The following ALG9 variants were observed in gnomAD, a reference collection of about 807,000 sequenced individuals.
ALG9 encodes the protein alpha-1,2-mannosyltransferase ALG9.
In ALG9, 55 loss-of-function variants were observed where a neutral mutation model predicts 81.8. The observed-to-expected ratio is 0.67, with a 90% confidence interval of 0.54 to 0.84. The LOEUF (loss-of-function observed/expected upper bound fraction) is 0.84. ALG9 is among the 40% of genes least tolerant of loss of function. ALG9 has a pLI of 0.00. For synonymous variants in ALG9, 278 were observed against 274.3 expected (o/e 1.01, Z -0.13); for missense variants, 629 against 745.0 (o/e 0.84, Z 1.81).
Position 111,867,280 on chromosome 11 carries a change from A to G in ALG9, c.405+1322T>C, listed in dbSNP as rs926761480. Among the ~76,000 whole-genome samples, 6 of 152,170 alleles carry G rather than the reference A, an allele frequency of 3.9e-5. No individual in the cohort carries two copies. The East Asian group carries it at 9.6e-4, about 24-fold the overall frequency. ...GGCTTTACATAACAGACTTGGGGGG[A>G]AAAGAACAACAGTCTAATACCTTAA... On this transcript the variant is annotated intron_variant, in intron 3 of 14. Transcript: ENST00000616540.
intron 9 of ALG9, among the ~76,000 whole-genome samples, chr11:111,843,308 A>G (rs1555125689): frequency 6.6e-6 from 1 of 152,218 alleles, no homozygotes; most frequent in South Asian, 2.1e-4. Context: ...TAAGAAATAT[A>G]ACACTAAATT....
At position 111,840,729 on chromosome 11, in the gene ALG9, T is replaced by A; in HGVS notation, c.1099A>T (p.Lys367Ter). The A allele has an allele frequency of 6.2e-7, 1 of 1,613,892 alleles. No homozygotes were observed. Among genetic ancestry groups the A allele is most frequent in the Non-Finnish European group, 8.5e-7 (1 of 1,179,954 alleles). The change falls in exon 10 of 15, where the codon AAA becomes TAA. Residue 367 changes from lysine to a stop codon, truncating the protein, a stop_gained. Coordinates refer to ENST00000616540, the MANE Select transcript of ALG9 (RefSeq NM_024740.2). LOFTEE classifies it high-confidence loss of function. ...ACAGGGAAAAGAAATCTCTCCTCTT[T>A]GTGAGGCTGGATGAAGAAAATTATA... The part of the protein sequence containing the change: ...WFIIFFIQPH[K>*]EERFLFPVYP...
downstream of ALG9, among the ~76,000 whole-genome samples, chr11:111,777,837 G>T (rs1945740061): frequency 6.6e-6 from 1 of 152,210 alleles, no homozygotes; most frequent in South Asian, 2.1e-4. Flanking sequence ...AGGGAGACAA[G>T]AAAGAGGTGA....
At chr11:111,845,637 C>T (rs1209173822) in intron 8 of ALG9, among the ~76,000 whole-genome samples, 1 of 152,166 alleles carries the variant, frequency 6.6e-6, no homozygotes, top group Non-Finnish European at 1.5e-5. Context: ...GCACATTTAG[C>T]AGGTTTTTCA....
At chr11:111,864,305 C>G in intron 4 of ALG9, 1 of 1,033,144 alleles carries the variant, frequency 9.7e-7, no homozygotes, top group Non-Finnish European at 1.5e-6. Flanking sequence ...TCAACAGCCC[C>G]GGCTGGAGGC....
In ALG9 at chr11:111,840,720, TCTC is replaced by T; in HGVS notation, c.1105_1107del (p.Glu369del). 6.2e-7 allele frequency: 1 copy of T among 1,613,870 alleles called. No homozygotes were observed. The highest frequency in any genetic ancestry group is 8.5e-7 in the Non-Finnish European group (1 of 1,179,972). ...AGTGGATACACAGGGAAAAGAAATC[TCTC>T]CTCTTTGTGAGGCTGGATGAAGAAA... On this transcript the variant is annotated inframe_deletion, in exon 10 of 15. Transcript: ENST00000616540.
intron 14 of ALG9, among the ~76,000 whole-genome samples, chr11:111,800,617 G>A (rs1948968733): frequency 6.6e-6 from 1 of 151,222 alleles, no homozygotes; most frequent in African/African-American, 2.4e-5. Context: ...AACTCCAGGT[G>A]TCTCCCCACT....
At position 111,786,042 on chromosome 11, in the gene ALG9, C is replaced by T. The variant is rs1555062848; in HGVS notation, c.*355G>A. 2.2e-6 allele frequency: 1 copy of T among 458,550 alleles called. No individual in the cohort carries two copies. The highest frequency in any genetic ancestry group is 4.4e-6 in the Non-Finnish European group (1 of 228,278). The allele number at this position is 458,550 out of a possible 1,614,324, so 28.4% of individuals were successfully genotyped here. A position where few individuals can be genotyped will look rare whatever the true frequency, so the allele number is the denominator to read the frequency against. On this transcript the variant is annotated 3_prime_UTR_variant, in exon 15 of 15. Transcript: ENST00000616540. Reference sequence around the variant, plus strand: ...GTGGAGAACAGCTTATCACAGCCATCCAGTACCAGGATTTTCAATTCTTCC... The same window carrying T: ...GTGGAGAACAGCTTATCACAGCCATTCAGTACCAGGATTTTCAATTCTTCC...
chr11:111,857,810 G>C, intron 5 of ALG9, 73 bp from the exon 6 acceptor site: 2 of 1,557,048 alleles, frequency 1.3e-6, no homozygotes, highest in Non-Finnish European at 1.8e-6. Context: ...ATTAAAAACT[G>C]ATTAAAAATT....
intron 8 of ALG9, among the ~76,000 whole-genome samples, chr11:111,849,129 C>T (rs1278687718): frequency 6.6e-6 from 1 of 152,062 alleles, no homozygotes; most frequent in African/African-American, 2.4e-5. Context: ...CGGCTCACTG[C>T]AAGCTCTGCC....
chr11:111,795,100 C>G (rs1948057016), intron 14 of ALG9, among the ~76,000 whole-genome samples: 1 of 152,180 alleles, frequency 6.6e-6, no homozygotes, highest in African/African-American at 2.4e-5. Flanking sequence ...TTATACTCCA[C>G]CAGTCCCTTG....
chr11:111,812,284 C>A (rs879978118), intron 13 of ALG9, among the ~76,000 whole-genome samples: 2 of 152,142 alleles, frequency 1.3e-5, no homozygotes, highest in Admixed American at 6.5e-5. Context: ...AAAAGAAGAA[C>A]AGGCTGGGCA....
intron 14 of ALG9, among the ~76,000 whole-genome samples, chr11:111,804,937 T>A (rs1274280414): frequency 6.6e-6 from 1 of 152,178 alleles, no homozygotes; most frequent in East Asian, 1.9e-4. Flanking sequence ...TACCATACAA[T>A]CCAGCAATCA....
At position 111,837,566 on chromosome 11, in the gene ALG9, T is replaced by C. The variant is rs1555118785; in HGVS notation, c.1374A>G (p.Thr458=). 3 of 1,614,184 alleles carry C rather than the reference T, an allele frequency of 1.9e-6. No individual in the cohort carries two copies. Among genetic ancestry groups the C allele is most frequent in the East Asian group, 2.2e-5 (1 of 44,886 alleles). Residue 458 remains threonine (T), a synonymous_variant, in exon 12 of 15, where the codon ACA becomes ACG. Coordinates refer to ENST00000616540, the MANE Select transcript of ALG9 (RefSeq NM_024740.2). ...CTGGGACAGTGTGGATGGTTGGGTC[T>C]GTAGCAATTCGGTAAAATTCTGGAT... The part of the protein sequence containing the change: ...DLYPEFYRIA[T]DPTIHTVPEG...
Position 111,848,947 on chromosome 11 carries a change from C to T in ALG9, c.896-4224G>A, listed in dbSNP as rs562027061. On this transcript the variant is annotated intron_variant, in intron 8 of 14. Coordinates refer to ENST00000616540, the MANE Select transcript of ALG9 (RefSeq NM_024740.2). ...CCCCTGTAGCACATAAAACACTGTC[C>T]TGTAATTATCTATTTGTGTGTCTGC... is the stretch of plus-strand genomic sequence containing the variant. Among the ~76,000 whole-genome samples, 5 of 152,276 alleles carry T rather than the reference C, an allele frequency of 3.3e-5. No individual in the cohort carries two copies. In the South Asian group the frequency reaches 1.0e-3, roughly 32 times the overall value.
the ALG9 span, chr11:111,769,310 C>CAAAAAAAA: frequency 1.4e-5 from 1 of 69,822 alleles, no homozygotes; most frequent in Non-Finnish European, 3.0e-5. Flanking sequence ...GACCCTGTCT[C>CAAAAAAAA]AAAAAAAAAA....
At chr11:111,866,017 G>A (rs1200707806) in intron 3 of ALG9, among the ~76,000 whole-genome samples, 3 of 152,278 alleles carry the variant, frequency 2.0e-5, no homozygotes, top group Admixed American at 6.5e-5. Context: ...ATAACTGGCC[G>A]GGCATGGTGG....
intron 13 of ALG9, chr11:111,828,955 T>C (rs186067073): frequency 6.6e-6 from 1 of 152,210 alleles, no homozygotes; most frequent in Non-Finnish European, 1.5e-5. Context: ...ATATATTGTT[T>C]TACTGTGACT....
At chr11:111,839,588 C>CAA (rs1188488321) in intron 10 of ALG9, among the ~76,000 whole-genome samples, 2 of 43,478 alleles carry the variant, frequency 4.6e-5, no homozygotes, top group Non-Finnish European at 8.9e-5. Context: ...GATTCCGTCT[C>CAA]AAAAAAAAAA....
Sources: gnomAD v4.1 joint callset for allele counts (sites outside exome capture counted in the v4.1 genomes callset) on GRCh38, gnomAD v4.1.1 for gene constraint, MANE v1.5 for transcripts, NCBI Gene and HGNC (gene_info 2026-07-23, HGNC 2026-07-21) for gene names.